Variants in CNTNAP2 observed in about 807,000 individuals in gnomAD.
CNTNAP2 encodes contactin-associated protein-like 2.
In CNTNAP2, 98 loss-of-function variants were observed where a neutral mutation model predicts 155.2. The observed-to-expected ratio is 0.63, with a 90% CI of 0.54 to 0.75. The LOEUF (loss-of-function observed/expected upper bound fraction) is 0.75, where lower values mean the gene tolerates loss of function less well. Ranked by LOEUF, CNTNAP2 falls within the 30% of genes least tolerant of loss-of-function variation. The pLI is 0.00. For missense variants in CNTNAP2, 1,727 were observed against 1,688.1 expected (o/e 1.02, Z -0.40); for synonymous variants, 651 against 631.2 (o/e 1.03, Z -0.47).
At chr7:146,794,757 T>C (rs1473382841) in intron 2 of CNTNAP2, among the ~76,000 whole-genome samples, 1 of 152,222 alleles carries the variant, frequency 6.6e-6, no homozygotes, top group African/African-American at 2.4e-5. Context: ...TAATGTATTA[T>C]ACCGATTATT....
intron 3 of CNTNAP2, among the ~76,000 whole-genome samples, chr7:146,877,567 T>TATGTGTGTGTATATGTATACATATATAC (rs1795454443): frequency 6.6e-6 from 1 of 151,466 alleles, no homozygotes; most frequent in Non-Finnish European, 1.5e-5. Flanking sequence ...GTATACTATA[T>TATGTGTGTGTATATGTATACATATATAC]ATGTGTGTGT....
intron 3 of CNTNAP2, among the ~76,000 whole-genome samples, chr7:146,972,815 A>T (rs376915640): frequency 1.3e-5 from 2 of 152,154 alleles, no homozygotes; most frequent in African/African-American, 4.8e-5. Flanking sequence ...TTGGAATATG[A>T]GAGAAAAACT....
In CNTNAP2 at chr7:148,045,780, C is replaced by T. The variant is rs545856896; in HGVS notation, c.2383+67791C>T. ...AATTACACAATCACCCACATAGCAG[C>T]GATACAAGGCCAGCCATATCAAACA... On this transcript the variant is annotated intron_variant, in intron 15 of 23. Transcript: ENST00000361727. 3.3e-5 allele frequency among the ~76,000 whole-genome samples: 5 copies of T among 152,184 alleles called. No individual in the cohort carries two copies. The East Asian group carries it at 5.8e-4, about 18-fold the overall frequency.
intron 11 of CNTNAP2, among the ~76,000 whole-genome samples, chr7:147,548,793 G>A (rs1799792711): frequency 1.3e-5 from 2 of 152,182 alleles, no homozygotes; most frequent in African/African-American, 2.4e-5. Context: ...TAAGGTGTAA[G>A]GAAGGGGTCC....
At chr7:146,882,563 TC>T (rs1795574905) in intron 3 of CNTNAP2, among the ~76,000 whole-genome samples, 1 of 152,060 alleles carries the variant, frequency 6.6e-6, no homozygotes, top group Non-Finnish European at 1.5e-5. Context: ...TGTGTTTGCT[TC>T]CCCTTCTGCC....
At chr7:146,239,482 T>C (rs1348035550) in intron 1 of CNTNAP2, among the ~76,000 whole-genome samples, 1 of 152,060 alleles carries the variant, frequency 6.6e-6, no homozygotes, top group Non-Finnish European at 1.5e-5. Flanking sequence ...AGTAAAAAAA[T>C]AATGTGATAG....
chr7:146,279,834 A>G (rs1169579776), intron 1 of CNTNAP2, among the ~76,000 whole-genome samples: 2 of 151,802 alleles, frequency 1.3e-5, no homozygotes, highest in Non-Finnish European at 2.9e-5. Context: ...TAAGGAATCA[A>G]TCAATAATTA....
intron 1 of CNTNAP2, among the ~76,000 whole-genome samples, chr7:146,457,055 T>C (rs182322804): frequency 1.5e-3 from 223 of 152,244 alleles, no homozygotes; most frequent in African/African-American, 5.2e-3. Flanking sequence ...TCTACTGGCC[T>C]CATTCAGATT....
At chr7:147,891,551 T>G (rs935348007) in intron 13 of CNTNAP2, among the ~76,000 whole-genome samples, 6 of 152,106 alleles carry the variant, frequency 3.9e-5, no homozygotes, top group African/African-American at 1.4e-4. Flanking sequence ...AACTTCTGGC[T>G]AGACTGGTCA....
chr7:147,610,237 C>T (rs762101484), intron 12 of CNTNAP2, among the ~76,000 whole-genome samples: 2 of 152,076 alleles, frequency 1.3e-5, no homozygotes, highest in African/African-American at 2.4e-5. Context: ...TGTACAGACC[C>T]GTCAACTTTT....
chr7:147,472,514 A>G (rs1293249353), intron 10 of CNTNAP2, among the ~76,000 whole-genome samples: 1 of 152,048 alleles, frequency 6.6e-6, no homozygotes, highest in Non-Finnish European at 1.5e-5. Flanking sequence ...CACTCAGCCC[A>G]ACAACGATTT....
At chr7:148,181,456 A>G (rs990932836) in intron 18 of CNTNAP2, among the ~76,000 whole-genome samples, 11 of 152,192 alleles carry the variant, frequency 7.2e-5, no homozygotes, top group African/African-American at 2.7e-4. Context: ...AATAATTTTG[A>G]CTTAATTCAG....
chr7:148,330,606 C>A (rs1011257365), intron 21 of CNTNAP2, among the ~76,000 whole-genome samples: 4 of 111,402 alleles, frequency 3.6e-5, no homozygotes, highest in Non-Finnish European at 7.0e-5. Flanking sequence ...ATGAAGTGGA[C>A]GGATGGAATG....
intron 3 of CNTNAP2, among the ~76,000 whole-genome samples, chr7:146,937,213 C>A (rs1244669443): frequency 1.3e-5 from 2 of 151,752 alleles, no homozygotes; most frequent in Non-Finnish European, 2.9e-5. Flanking sequence ...CAGTGAAACC[C>A]CGTCTCTACT....
chr7:147,661,555 CTT>C (rs71937773), intron 13 of CNTNAP2, among the ~76,000 whole-genome samples: 120 of 139,530 alleles, frequency 8.6e-4, no homozygotes, highest in Middle Eastern at 3.6e-3. Flanking sequence ...TCTTCTTCTT[CTT>C]TTTTTTTTTT....
chr7:148,390,245 C>T (rs4726968), intron 22 of CNTNAP2, among the ~76,000 whole-genome samples: 72,451 of 151,938 alleles, frequency 0.48, 18,050 homozygotes, highest in African/African-American at 0.6. Flanking sequence ...TTTACCTAAA[C>T]TTGAGGAGAA....
chr7:147,014,057 C>CT (rs1584783615), intron 3 of CNTNAP2, among the ~76,000 whole-genome samples: 1 of 152,174 alleles, frequency 6.6e-6, no homozygotes, highest in East Asian at 1.9e-4. Flanking sequence ...GATCAGAGCT[C>CT]TAACAATGCC....
At chr7:147,665,073 A>G (rs565829602) in intron 13 of CNTNAP2, among the ~76,000 whole-genome samples, 70 of 152,340 alleles carry the variant, frequency 4.6e-4, no homozygotes, top group African/African-American at 1.6e-3. Flanking sequence ...ATGCCACTGC[A>G]TAACCAAAAT....
intron 8 of CNTNAP2, among the ~76,000 whole-genome samples, chr7:147,148,619 T>G (rs575764019): frequency 2.6e-5 from 4 of 152,282 alleles, no homozygotes; most frequent in Admixed American, 1.3e-4. Context: ...GTCCAGAGTT[T>G]GTTCCTTCTG....
Sources: gnomAD v4.1 joint callset for allele counts (sites outside exome capture counted in the v4.1 genomes callset) on GRCh38, gnomAD v4.1.1 for gene constraint, MANE v1.5 for transcripts, NCBI Gene and HGNC (gene_info 2026-07-23, HGNC 2026-07-21) for gene names.